SOX6: variants seen among roughly 807,000 people sequenced by gnomAD.
SOX6 encodes transcription factor SOX-6.
SOX6 carries 11 observed loss-of-function variants against 97.8 expected under a neutral mutation model. That is an observed-to-expected ratio of 0.11 (90% CI 0.07 to 0.19). The LOEUF is 0.19. Among genes scored for constraint, SOX6 ranks in the 10% least tolerant of loss-of-function variants. The pLI is 1.00. For missense variants in SOX6, 810 were observed against 1,039.5 expected, an observed-to-expected ratio of 0.78 and a Z score of 3.04; for synonymous variants, 360 against 371.4, an observed-to-expected ratio of 0.97 and a Z score of 0.35.
chr11:16,229,170 ATGTGC>A (rs1228559942), intron 4 of SOX6, among the ~76,000 whole-genome samples: 1 of 152,148 alleles, frequency 6.6e-6, no homozygotes, highest in Non-Finnish European at 1.5e-5. Flanking sequence ...CTAAGAGAAT[ATGTGC>A]AGTTAAGAAT....
At chr11:16,213,464 A>T (rs948876993) in intron 4 of SOX6, among the ~76,000 whole-genome samples, 2 of 152,292 alleles carry the variant, frequency 1.3e-5, no homozygotes, top group Non-Finnish European at 2.9e-5. Flanking sequence ...GAATGCATAC[A>T]TAAAAACATG....
intron 7 of SOX6, among the ~76,000 whole-genome samples, chr11:16,104,177 T>C (rs1849017833): frequency 6.6e-6 from 1 of 151,886 alleles, no homozygotes; most frequent in African/African-American, 2.4e-5. Context: ...AAAATTAGGG[T>C]GCTAATCTGA....
At position 16,341,170 on chromosome 11, in the gene SOX6, T is replaced by G; in HGVS notation, c.79A>C (p.Arg27=). Residue 27 remains arginine (R), a synonymous_variant, in exon 2 of 16, where the codon AGG becomes CGG. Coordinates refer to ENST00000683767, the MANE Select transcript of SOX6 (RefSeq NM_001367873.1). ...EDAMTQDLTS[R]EKEEGSDQHV... is the part of the protein sequence containing the mutation. ...TGATCACTGCCCTCTTCCTTTTCCC[T>G]TGAGGTTAAATCCTGGGTCATTGCA... 8 of 1,613,520 alleles carry G rather than the reference T, an allele frequency of 5.0e-6. No homozygotes were observed. Among genetic ancestry groups the G allele is most frequent in the Non-Finnish European group, 6.8e-6 (8 of 1,179,620 alleles).
intron 9 of SOX6, among the ~76,000 whole-genome samples, chr11:16,094,480 C>G (rs1053082977): frequency 1.5e-4 from 23 of 151,878 alleles, no homozygotes; most frequent in African/African-American, 5.6e-4. Flanking sequence ...AAAGAAAAGT[C>G]CCACCAGGAG....
chr11:16,528,905 A>C (rs148232191), intron 4 of SOX6, among the ~76,000 whole-genome samples: 1 of 152,190 alleles, frequency 6.6e-6, no homozygotes. Flanking sequence ...AGCTGCCTGA[A>C]TACTACTATG....
chr11:16,374,800 G>T (rs1857600143), intron 1 of SOX6, among the ~76,000 whole-genome samples: 1 of 152,006 alleles, frequency 6.6e-6, no homozygotes, highest in African/African-American at 2.4e-5. Flanking sequence ...AATTGTGTTT[G>T]AAAGCCAGAC....
intron 13 of SOX6, among the ~76,000 whole-genome samples, chr11:16,000,803 TA>T (rs1251768760): frequency 6.6e-6 from 1 of 152,144 alleles, no homozygotes; most frequent in Non-Finnish European, 1.5e-5. Context: ...AATGTACACA[TA>T]AAAAATTCCA....
intron 1 of SOX6, among the ~76,000 whole-genome samples, chr11:16,473,609 T>C (rs1055866945): frequency 1.3e-5 from 2 of 149,662 alleles, no homozygotes; most frequent in South Asian, 2.1e-4. Flanking sequence ...TGGAGTGCAG[T>C]GGCATGATCT....
chr11:16,637,780 G>A (rs898137666), intron 3 of SOX6, among the ~76,000 whole-genome samples: 3 of 152,046 alleles, frequency 2.0e-5, no homozygotes, highest in Non-Finnish European at 4.4e-5. Context: ...TCTCAAGGTC[G>A]CTTTGGTCAC....
intron 13 of SOX6, among the ~76,000 whole-genome samples, 153 bp downstream of exon 13, chr11:16,014,789 T>TGTA (rs1369867216): frequency 4.6e-5 from 7 of 152,210 alleles, no homozygotes; most frequent in Non-Finnish European, 1.0e-4. Context: ...ATAACTTACA[T>TGTA]ACATACGTAG....
At chr11:16,321,869 C>CA (rs2134308195) in intron 2 of SOX6, among the ~76,000 whole-genome samples, 1 of 152,266 alleles carries the variant, frequency 6.6e-6, no homozygotes, top group East Asian at 1.9e-4. Flanking sequence ...TTCCAGCCAT[C>CA]ACTTTTTAAC....
intron 1 of SOX6, among the ~76,000 whole-genome samples, chr11:16,450,123 C>T (rs1436743479): frequency 6.6e-6 from 1 of 152,240 alleles, no homozygotes; most frequent in African/African-American, 2.4e-5. Context: ...AAATAGACCC[C>T]TGCGCAAACT....
At chr11:16,244,990 G>A (rs916917519) in intron 3 of SOX6, among the ~76,000 whole-genome samples, 3 of 151,816 alleles carry the variant, frequency 2.0e-5, no homozygotes, top group East Asian at 3.9e-4. Flanking sequence ...TACCAAAAAA[G>A]AAAAGACTTT....
chr11:16,636,366 GT>G (rs1200258693), intron 3 of SOX6, among the ~76,000 whole-genome samples: 1 of 152,116 alleles, frequency 6.6e-6, no homozygotes, highest in African/African-American at 2.4e-5. Flanking sequence ...TAGCCTCTTC[GT>G]TTTGGTCAAT....
At chr11:16,500,044 C>T (rs1057140952) in intron 4 of SOX6, among the ~76,000 whole-genome samples, 16 of 152,112 alleles carry the variant, frequency 1.1e-4, no homozygotes, top group Non-Finnish European at 4.4e-5. Flanking sequence ...TGATGAACAT[C>T]AATGCAAAAA....
At chr11:16,110,660 G>A (rs369734920) in intron 7 of SOX6, among the ~76,000 whole-genome samples, 3 of 152,086 alleles carry the variant, frequency 2.0e-5, no homozygotes, top group Non-Finnish European at 2.9e-5. Flanking sequence ...AATCATTCGT[G>A]TTTTGCCACA....
At chr11:16,169,744 GA>G (rs1850981801) in intron 6 of SOX6, among the ~76,000 whole-genome samples, 1 of 152,008 alleles carries the variant, frequency 6.6e-6, no homozygotes, top group African/African-American at 2.4e-5. Context: ...CCTTCCACTT[GA>G]GACAGAAAAG....
chr11:16,557,395 C>T (rs1253224339), intron 4 of SOX6, among the ~76,000 whole-genome samples: 1 of 151,808 alleles, frequency 6.6e-6, no homozygotes, highest in Non-Finnish European at 1.5e-5. Context: ...TAAATGGATC[C>T]AGTAAACTCA....
In SOX6 at chr11:16,543,324, G is replaced by C. The variant is rs572152482; in HGVS notation, n.610-66936C>G. 3.3e-5 allele frequency among the ~76,000 whole-genome samples: 5 copies of C among 151,888 alleles called. No homozygotes were observed. The South Asian group carries it at 1.0e-3, about 32-fold the overall frequency. The stretch of plus-strand genomic sequence containing the variant: ...AACTTTAACGGTAATATCACTTTTA[G>C]AATTTTACAATATCAATAATATGAG... On this transcript the variant is annotated intron_variant and non_coding_transcript_variant, in intron 4 of 5. Transcript: ENST00000524520.
Sources: allele counts gnomAD v4.1 joint callset (sites outside exome capture counted in the v4.1 genomes callset), GRCh38; gene constraint gnomAD v4.1.1; transcripts MANE v1.5; gene names NCBI Gene and HGNC (gene_info 2026-07-23, HGNC 2026-07-21).